CTNNA2: variants seen among roughly 807,000 people sequenced by gnomAD.
CTNNA2 encodes the protein catenin alpha 2, also known as catenin alpha-2.
Under a neutral mutation model 101.0 loss-of-function variants are expected in CTNNA2, and 42 were observed. The observed-to-expected ratio is 0.42, with a 90% CI of 0.32 to 0.54. CTNNA2 has a LOEUF of 0.54. Ranked by LOEUF, CTNNA2 falls within the 20% of genes least tolerant of loss-of-function variation. The pLI, the probability that CTNNA2 is intolerant of heterozygous loss-of-function variation, is 0.14. For missense variants in CTNNA2, 871 were observed against 1,223.1 expected, an observed-to-expected ratio of 0.71 and a Z score of 4.29; for synonymous variants, 450 against 456.4, an observed-to-expected ratio of 0.99 and a Z score of 0.18.
intron 7 of CTNNA2, among the ~76,000 whole-genome samples, chr2:80,082,486 A>T (rs1040479107): frequency 9.2e-5 from 14 of 152,170 alleles, no homozygotes; most frequent in African/African-American, 3.1e-4. Flanking sequence ...ATTTTTTGGC[A>T]TCTATTTGCC....
intron 7 of CTNNA2, among the ~76,000 whole-genome samples, chr2:80,097,791 A>T (rs1434826347): frequency 6.6e-6 from 1 of 152,124 alleles, no homozygotes; most frequent in Non-Finnish European, 1.5e-5. Context: ...CTTCCAGTTG[A>T]TCGCATTGCC....
chr2:80,037,597 G>A (rs1695753269), intron 7 of CTNNA2, among the ~76,000 whole-genome samples: 1 of 152,102 alleles, frequency 6.6e-6, no homozygotes, highest in South Asian at 2.1e-4. Context: ...AAGAATGCTG[G>A]GAAGAAACAA....
intron 6 of CTNNA2, 47 bp from the exon 7 acceptor site, chr2:79,909,547 C>A: frequency 6.6e-7 from 1 of 1,506,470 alleles, no homozygotes; most frequent in Non-Finnish European, 9.1e-7. Flanking sequence ...CCAAGGCAGA[C>A]CTCTCTTCTC....
intron 7 of CTNNA2, among the ~76,000 whole-genome samples, chr2:80,139,745 A>G (rs1289339883): frequency 6.6e-6 from 1 of 152,210 alleles, no homozygotes; most frequent in African/African-American, 2.4e-5. Flanking sequence ...CAACAAGCAC[A>G]TTCAAAAATG....
At chr2:79,450,953 T>C (rs1670738081) in intron 4 of CTNNA2, among the ~76,000 whole-genome samples, 2 of 152,070 alleles carry the variant, frequency 1.3e-5, no homozygotes, top group African/African-American at 2.4e-5. Context: ...ACAATGTCCA[T>C]TGCAATGCAA....
At position 79,992,585 on chromosome 2, in the gene CTNNA2, G is replaced by C. The variant is rs1015638677; in HGVS notation, c.1056+82788G>C. ...TAGCTCAGACCTAATGTAAGATCTGGGGAAGGATTGAGGCTGCTATGCTAA... is the reference window on the plus strand; with the variant it reads ...TAGCTCAGACCTAATGTAAGATCTGCGGAAGGATTGAGGCTGCTATGCTAA... On this transcript the variant is annotated intron_variant, in intron 7 of 18. Coordinates refer to ENST00000402739, the MANE Select transcript of CTNNA2 (RefSeq NM_001282597.3). Among the ~76,000 whole-genome samples, 3 of 152,254 alleles carry C rather than the reference G, an allele frequency of 2.0e-5. No individual in the cohort carries two copies. In the South Asian group the frequency reaches 6.2e-4, roughly 32 times the overall value.
intron 7 of CTNNA2, among the ~76,000 whole-genome samples, chr2:80,392,903 A>G (rs1401473696): frequency 6.6e-6 from 1 of 152,194 alleles, no homozygotes; most frequent in Non-Finnish European, 1.5e-5. Flanking sequence ...GGCAAAAACA[A>G]AACATCCTTG....
At chr2:79,531,893 G>T (rs1672768443) in intron 1 of CTNNA2, among the ~76,000 whole-genome samples, 1 of 152,036 alleles carries the variant, frequency 6.6e-6, no homozygotes, top group Admixed American at 6.6e-5. Context: ...TGTTGGTCAG[G>T]CTGGTCTCGA....
chr2:79,229,347 G>A (rs1453683639), intron 2 of CTNNA2, among the ~76,000 whole-genome samples: 1 of 152,106 alleles, frequency 6.6e-6, no homozygotes, highest in East Asian at 1.9e-4. Flanking sequence ...TGAATCATGA[G>A]GGCAGGTCTT....
chr2:80,460,101 A>G (rs888496921), intron 9 of CTNNA2, among the ~76,000 whole-genome samples: 1 of 152,168 alleles, frequency 6.6e-6, no homozygotes, highest in South Asian at 2.1e-4. Context: ...TTAAGACTCT[A>G]TACATAAGTC....
At chr2:80,190,445 C>G (rs1325071574) in intron 7 of CTNNA2, among the ~76,000 whole-genome samples, 1 of 152,148 alleles carries the variant, frequency 6.6e-6, no homozygotes, top group Non-Finnish European at 1.5e-5. Context: ...CTCCACCTGG[C>G]AACCTTCATT....
At chr2:80,608,592 G>A (rs888316096) in intron 17 of CTNNA2, 3 of 261,102 alleles carry the variant, frequency 1.1e-5, no homozygotes, top group Non-Finnish European at 2.2e-5. Flanking sequence ...TTGCCAAGCT[G>A]TGACTATTGT....
chr2:80,043,501 G>T (rs978432799), intron 7 of CTNNA2, among the ~76,000 whole-genome samples: 1 of 152,074 alleles, frequency 6.6e-6, no homozygotes, highest in African/African-American at 2.4e-5. Context: ...CCCTGCCCCT[G>T]CATTCATGTT....
At chr2:79,795,899 T>A (rs1675657161) in intron 3 of CTNNA2, among the ~76,000 whole-genome samples, 4 of 152,226 alleles carry the variant, frequency 2.6e-5, no homozygotes, top group Admixed American at 2.6e-4. Flanking sequence ...ATGTCTGTCT[T>A]TAACAACACA....
At position 79,564,369 on chromosome 2, in the gene CTNNA2, AT is replaced by A. The variant is rs574459277; in HGVS notation, c.-6+51163del. Reference sequence around the variant, plus strand: ...CTAACTCTGTGCTATTTAATATTCCATGATATAACTGCGTATTAGTGGAACG... The same window carrying A: ...CTAACTCTGTGCTATTTAATATTCCAGATATAACTGCGTATTAGTGGAACG... On this transcript the variant is annotated intron_variant, in intron 1 of 18. Transcript: ENST00000402739. 2.4e-3 allele frequency among the ~76,000 whole-genome samples: 365 copies of A among 152,102 alleles called. 1 individual carries two copies. The highest frequency in any genetic ancestry group is 8.4e-3 in the African/African-American group (349 of 41,528).
At chr2:80,452,983 C>T (rs899427723) in intron 9 of CTNNA2, among the ~76,000 whole-genome samples, 11 of 152,036 alleles carry the variant, frequency 7.2e-5, no homozygotes, top group African/African-American at 2.2e-4. Flanking sequence ...GGGGTGCCTT[C>T]TAGGCCAGGT....
At chr2:80,577,330 G>A (rs773786405) in intron 13 of CTNNA2, among the ~76,000 whole-genome samples, 39 of 152,090 alleles carry the variant, frequency 2.6e-4, no homozygotes, top group Non-Finnish European at 4.9e-4. Context: ...CTCATGAAAG[G>A]AGGTACCTGG....
At chr2:80,557,922 T>A (rs1693186712) in intron 12 of CTNNA2, among the ~76,000 whole-genome samples, 1 of 152,192 alleles carries the variant, frequency 6.6e-6, no homozygotes, top group African/African-American at 2.4e-5. Flanking sequence ...TCTTACTTGT[T>A]CTGAGTTTTT....
chr2:79,896,080 C>G (rs1015692214), intron 6 of CTNNA2, among the ~76,000 whole-genome samples: 1 of 151,928 alleles, frequency 6.6e-6, no homozygotes, highest in East Asian at 1.9e-4. Flanking sequence ...TCTGGGAGGT[C>G]GAAACCAGCC....
Sources: gnomAD v4.1 joint callset for allele counts (sites outside exome capture counted in the v4.1 genomes callset) on GRCh38, gnomAD v4.1.1 for gene constraint, MANE v1.5 for transcripts, NCBI Gene and HGNC (gene_info 2026-07-23, HGNC 2026-07-21) for gene names.